UACA: variants seen among roughly 807,000 people sequenced by gnomAD.
The protein encoded by UACA is uveal autoantigen with coiled-coil domains and ankyrin repeats, also known as nuclear membrane binding protein.
In UACA, 112 loss-of-function variants were observed where a neutral mutation model predicts 160.5. That is an observed-to-expected ratio of 0.70 (90% CI 0.60 to 0.82). UACA has a LOEUF of 0.82. Among genes scored for constraint, UACA ranks in the 40% least tolerant of loss-of-function variants. The pLI is 0.00. For missense variants in UACA, 1,574 were observed against 1,614.6 expected (o/e 0.97, Z 0.43); for synonymous variants, 557 against 568.4 (o/e 0.98, Z 0.29).
rs1897629584 is a variant in UACA at position 70,684,368 on chromosome 15, G to A, written c.681C>T (p.Ser227=). The change falls in exon 8 of 19, where the codon AGC becomes AGT. Residue 227 remains serine (S), a synonymous_variant. Coordinates refer to ENST00000322954, the MANE Select transcript of UACA (RefSeq NM_018003.4). ...EVLIKNGADI[S]LLDALGHDSS... ...TATCATGGCCAAGCGCATCCAGCAAGCTTATATCAGCACCATTTTTAATTA... is the reference window on the plus strand; with the variant it reads ...TATCATGGCCAAGCGCATCCAGCAAACTTATATCAGCACCATTTTTAATTA... The A allele has an allele frequency of 1.2e-6, 2 of 1,613,762 alleles. No individual in the cohort carries two copies. The highest frequency in any genetic ancestry group is 2.7e-5 in the African/African-American group (2 of 75,018).
chr15:70,695,239 C>T (rs1898088560), intron 2 of UACA, 134 bp from the exon 3 acceptor site: 1 of 532,054 alleles, frequency 1.9e-6, no homozygotes. Flanking sequence ...TACATTAGAA[C>T]ACCTACATAT....
At chr15:70,678,822 G>A (rs917111171) in intron 10 of UACA, among the ~76,000 whole-genome samples, 3 of 151,780 alleles carry the variant, frequency 2.0e-5, no homozygotes, top group Non-Finnish European at 4.4e-5. Flanking sequence ...AGTACTGTGT[G>A]GTTAGTTTAA....
In UACA at chr15:70,708,127, T is replaced by C. The variant is rs9788693; in HGVS notation, c.79-8467A>G. ...GGAAATCCTGTCACATGCTACGACA[T>C]AGATGAATCTTGAGAGACATTATGC... On this transcript the variant is annotated intron_variant, in intron 1 of 18. Transcript: ENST00000322954. Among the ~76,000 whole-genome samples, 190 of 152,316 alleles carry C rather than the reference T, an allele frequency of 1.2e-3. 3 individuals carry two copies. The East Asian group carries it at 0.029, about 23-fold the overall frequency.
chr15:70,777,786 C>T, the UACA span, among the ~76,000 whole-genome samples: 145 of 152,254 alleles, frequency 9.5e-4, no homozygotes, highest in East Asian at 0.012. Context: ...CTGGAGACTA[C>T]ATTAATAAGC....
Position 70,667,805 on chromosome 15 carries a change from A to G in UACA, c.2879T>C (p.Ile960Thr). ...LANYRKGQEEIVTLHAEIKAQ... is the reference protein window; with the variant it reads ...LANYRKGQEETVTLHAEIKAQ... ...TTTAATTTCGGCATGCAGTGTCACA[A>G]TCTCTTCTTGGCCTTTTCTGTAGTT... Residue 960 changes from isoleucine (I) to threonine (T), a missense_variant, in exon 16 of 19, where the codon ATT (isoleucine) becomes ACT (threonine). Transcript: ENST00000322954. 1.2e-6 allele frequency: 2 copies of G among 1,613,930 alleles called. No homozygotes were observed. The highest frequency in any genetic ancestry group is 1.7e-6 in the Non-Finnish European group (2 of 1,179,990).
intron 1 of UACA, among the ~76,000 whole-genome samples, chr15:70,701,688 T>C (rs1898368953): frequency 6.6e-6 from 1 of 152,236 alleles, no homozygotes; most frequent in South Asian, 2.1e-4. Context: ...TTTTATCATG[T>C]GCTTTTTAAA....
intron 1 of UACA, among the ~76,000 whole-genome samples, chr15:70,715,116 G>T (rs1316303859): frequency 6.6e-6 from 1 of 152,080 alleles, no homozygotes; most frequent in Admixed American, 6.6e-5. Flanking sequence ...TTTTTGAAAA[G>T]TGTATTCGAC....
rs1566965237 is a variant in UACA at position 70,668,537 on chromosome 15, T to C, written c.2147A>G (p.Gln716Arg). The change falls in exon 16 of 19, where the codon CAA (glutamine) becomes CGA (arginine). Residue 716 changes from glutamine (Q) to arginine (R), a missense_variant. Gln to Arg is a conservative substitution (Grantham distance 43). Transcript: ENST00000322954. The stretch of plus-strand genomic sequence containing the variant: ...CAAATAAACTTTTTCAATTTCCTTT[T>C]GTAGTGTCTGATTTTTCAATGTTAA... ...TELTLKNQTL[Q>R]KEIEKVYLDN... The C allele has an allele frequency of 1.2e-6, 2 of 1,611,616 alleles. No homozygotes were observed. The highest frequency in any genetic ancestry group is 1.7e-6 in the Non-Finnish European group (2 of 1,179,656).
At chr15:70,657,224 G>A in intron 18 of UACA, 97 bp from the exon 19 acceptor site, 1 of 929,316 alleles carries the variant, frequency 1.1e-6, no homozygotes, top group Non-Finnish European at 1.7e-6. Context: ...ACTAGTCATT[G>A]ATTCATCAAA....
intron 1 of UACA, among the ~76,000 whole-genome samples, chr15:70,737,734 TA>T (rs1899411729): frequency 6.6e-6 from 1 of 152,084 alleles, no homozygotes; most frequent in African/African-American, 2.4e-5. Context: ...TAAAATAAAA[TA>T]AAAACACTTG....
intron 1 of UACA, among the ~76,000 whole-genome samples, chr15:70,700,377 TAGAATA>T (rs962838558): frequency 6.0e-5 from 9 of 150,226 alleles, no homozygotes; most frequent in Non-Finnish European, 1.0e-4. Flanking sequence ...GTTTATATAT[TAGAATA>T]AAATAAAACT....
intron 8 of UACA, among the ~76,000 whole-genome samples, chr15:70,684,043 T>A (rs1394452602): frequency 6.6e-6 from 1 of 151,926 alleles, no homozygotes; most frequent in Non-Finnish European, 1.5e-5. Context: ...AGTGTCTTAG[T>A]GTTCACTGGA....
the UACA span, among the ~76,000 whole-genome samples, chr15:70,770,243 T>C: frequency 6.6e-6 from 1 of 152,216 alleles, no homozygotes; most frequent in South Asian, 2.1e-4. Flanking sequence ...TTGTACCCAA[T>C]TGTTAAGTAA....
At chr15:70,690,628 A>G in intron 4 of UACA, 117 bp from the exon 5 acceptor site, 1 of 758,664 alleles carries the variant, frequency 1.3e-6, no homozygotes. Flanking sequence ...CAAAGAAGCT[A>G]AAGACTATCC....
chr15:70,662,350 T>C (rs974883150), intron 17 of UACA, among the ~76,000 whole-genome samples: 43 of 152,016 alleles, frequency 2.8e-4, no homozygotes, highest in African/African-American at 1.0e-3. Flanking sequence ...CACTGCTCAA[T>C]GAAATAAAAG....
At chr15:70,694,493 T>C (rs1395968363) in intron 3 of UACA, among the ~76,000 whole-genome samples, 1 of 152,194 alleles carries the variant, frequency 6.6e-6, no homozygotes, top group Admixed American at 6.5e-5. Context: ...ACTTAGCTAC[T>C]GAAGGGCCTT....
chr15:70,729,903 G>A (rs1899270245), intron 1 of UACA, among the ~76,000 whole-genome samples: 1 of 115,802 alleles, frequency 8.6e-6, no homozygotes, highest in African/African-American at 4.4e-5. Flanking sequence ...ACACGGCAGG[G>A]TATTCCAACA....
chr15:70,753,293 C>T (rs1045970504), intron 1 of UACA, among the ~76,000 whole-genome samples: 3 of 152,068 alleles, frequency 2.0e-5, no homozygotes, highest in Admixed American at 1.3e-4. Context: ...CTATTTTTTT[C>T]TATCACATTT....
At chr15:70,757,837 T>C (rs2030520656) in intron 1 of UACA, among the ~76,000 whole-genome samples, 1 of 152,232 alleles carries the variant, frequency 6.6e-6, no homozygotes, top group African/African-American at 2.4e-5. Context: ...TCCAGAGTCC[T>C]AATCTTTGAC....
Sources: allele counts gnomAD v4.1 joint callset (sites outside exome capture counted in the v4.1 genomes callset), GRCh38; gene constraint gnomAD v4.1.1; transcripts MANE v1.5; gene names NCBI Gene and HGNC (gene_info 2026-07-23, HGNC 2026-07-21).